PCDH15: variants seen among roughly 807,000 people sequenced by gnomAD.
PCDH15 encodes the protein protocadherin-15.
Under a neutral mutation model 178.5 loss-of-function variants are expected in PCDH15, and 129 were observed. That is an observed-to-expected ratio of 0.72 (90% CI 0.63 to 0.84). The LOEUF is 0.84. PCDH15 is among the 40% of genes least tolerant of loss of function. PCDH15 has a pLI of 0.00. For synonymous variants in PCDH15, 800 were observed against 732.0 expected, an observed-to-expected ratio of 1.09 and a Z score of -1.50; for missense variants, 2,230 against 2,099.9, an observed-to-expected ratio of 1.06 and a Z score of -1.21.
At chr10:55,047,512 A>G (rs1056798082) in intron 2 of PCDH15, among the ~76,000 whole-genome samples, 1 of 151,856 alleles carries the variant, frequency 6.6e-6, no homozygotes, top group Admixed American at 6.6e-5. Context: ...CTTTTGAAGA[A>G]CTCATAGCTA....
At chr10:54,377,871 A>G (rs1948674608) in intron 4 of PCDH15, among the ~76,000 whole-genome samples, 1 of 152,010 alleles carries the variant, frequency 6.6e-6, no homozygotes, top group Admixed American at 6.6e-5. Flanking sequence ...TATACCTATT[A>G]ATTTTTTTTT....
At chr10:54,550,665 C>T (rs1187372599) in intron 2 of PCDH15, among the ~76,000 whole-genome samples, 6 of 152,136 alleles carry the variant, frequency 3.9e-5, no homozygotes, top group African/African-American at 1.4e-4. Context: ...ATGCAAGTAC[C>T]TATAAATGTT....
At chr10:55,382,247 C>G (rs558399436) in intron 2 of PCDH15, among the ~76,000 whole-genome samples, 30 of 152,088 alleles carry the variant, frequency 2.0e-4, no homozygotes, top group African/African-American at 5.8e-4. Flanking sequence ...TAATGGTCCC[C>G]TAAAGAGGCT....
chr10:54,258,449 A>C (rs2057077548), intron 8 of PCDH15, among the ~76,000 whole-genome samples: 1 of 152,178 alleles, frequency 6.6e-6, no homozygotes. Context: ...AAATGGATCA[A>C]GTGATTGCTT....
At chr10:55,205,880 G>A (rs1186755446) in intron 1 of PCDH15, among the ~76,000 whole-genome samples, 2 of 152,062 alleles carry the variant, frequency 1.3e-5, no homozygotes, top group East Asian at 3.9e-4. Context: ...CATCGCAGAA[G>A]GCAAGGAGGA....
At chr10:53,937,420 A>G (rs2134039149) in intron 25 of PCDH15, among the ~76,000 whole-genome samples, 1 of 152,320 alleles carries the variant, frequency 6.6e-6, no homozygotes. Context: ...TCCACTCCTC[A>G]TTTATCCAAT....
At chr10:55,487,616 G>A (rs996249507) in intron 2 of PCDH15, among the ~76,000 whole-genome samples, 1 of 151,518 alleles carries the variant, frequency 6.6e-6, no homozygotes, top group Admixed American at 6.6e-5. Flanking sequence ...CTTAAATCCA[G>A]CTGTCATTCC....
At chr10:54,567,694 A>G (rs2133491763) in intron 2 of PCDH15, among the ~76,000 whole-genome samples, 1 of 152,304 alleles carries the variant, frequency 6.6e-6, no homozygotes, top group East Asian at 1.9e-4. Context: ...CTATCTACAG[A>G]ATTTTCTAAT....
chr10:55,029,468 T>C (rs1243860698), intron 2 of PCDH15, among the ~76,000 whole-genome samples: 1 of 152,048 alleles, frequency 6.6e-6, no homozygotes, highest in African/African-American at 2.4e-5. Flanking sequence ...CTCTTCTATA[T>C]GTACACTAGA....
At chr10:55,363,990 TATGTCAACGGAGAGATCAGG>T (rs1366168596) in intron 2 of PCDH15, among the ~76,000 whole-genome samples, 1 of 152,030 alleles carries the variant, frequency 6.6e-6, no homozygotes, top group African/African-American at 2.4e-5. Context: ...ATAATCCCCA[TATGTCAACGGAGAGATCAGG>T]TGGAGGTAAT....
Position 54,171,663 on chromosome 10 carries a change from T to A in PCDH15, c.1590+11781A>T, listed in dbSNP as rs550739873. 2.9e-4 allele frequency among the ~76,000 whole-genome samples: 44 copies of A among 152,082 alleles called. 3 individuals are homozygous for A. In the South Asian group the frequency reaches 8.9e-3, roughly 31 times the overall value. ...CTTAACTCTTGAAGTAAATAAATAA[T>A]CTTTGCTGGCAGGACTATGCTGAAT... is the stretch of plus-strand genomic sequence containing the variant. On this transcript the variant is annotated intron_variant, in intron 13 of 37. Transcript: ENST00000644397.
intron 14 of PCDH15, among the ~76,000 whole-genome samples, chr10:54,146,293 A>G (rs2043895582): frequency 6.6e-6 from 1 of 152,026 alleles, no homozygotes; most frequent in Admixed American, 6.6e-5. Flanking sequence ...TTAATTAAAC[A>G]TAGCCTTGCA....
chr10:55,244,611 C>A (rs999684384), intron 1 of PCDH15, among the ~76,000 whole-genome samples: 1 of 151,746 alleles, frequency 6.6e-6, no homozygotes, highest in Non-Finnish European at 1.5e-5. Flanking sequence ...TGAATTTCAC[C>A]ATCCTCCACC....
upstream of PCDH15, among the ~76,000 whole-genome samples, chr10:54,805,340 A>T (rs1296679680): frequency 6.6e-6 from 1 of 152,112 alleles, no homozygotes; most frequent in Non-Finnish European, 1.5e-5. Context: ...CATTACAAGC[A>T]GTGTCTCACC....
At chr10:55,066,213 C>A (rs867831719) in intron 2 of PCDH15, among the ~76,000 whole-genome samples, 1 of 150,956 alleles carries the variant, frequency 6.6e-6, no homozygotes, top group East Asian at 1.9e-4. Flanking sequence ...ATATCTGTTT[C>A]TTTCACCAGG....
chr10:54,443,593 A>C (rs1237340776), intron 3 of PCDH15, among the ~76,000 whole-genome samples: 1 of 151,718 alleles, frequency 6.6e-6, no homozygotes, highest in African/African-American at 2.4e-5. Flanking sequence ...AGGATCCAAG[A>C]ATTAAACATC....
At chr10:54,138,416 G>A (rs574280009) in intron 14 of PCDH15, among the ~76,000 whole-genome samples, 4 of 152,246 alleles carry the variant, frequency 2.6e-5, no homozygotes, top group East Asian at 1.9e-4. Flanking sequence ...CTTAGGGCTC[G>A]TTTATTGTTT....
At chr10:54,434,274 A>G (rs1047504959) in intron 3 of PCDH15, among the ~76,000 whole-genome samples, 1 of 152,174 alleles carries the variant, frequency 6.6e-6, no homozygotes, top group African/African-American at 2.4e-5. Flanking sequence ...ATTGTGATGA[A>G]GTGTACAGTG....
intron 1 of PCDH15, among the ~76,000 whole-genome samples, chr10:54,797,507 AACACACACACACACACACACACAC>A (rs71014418): frequency 6.2e-5 from 9 of 145,284 alleles, no homozygotes; most frequent in African/African-American, 2.0e-4. Flanking sequence ...TTATTGTTGA[AACACACACACACACACACACACAC>A]ACACACACAC....
Sources: gnomAD v4.1 joint callset for allele counts (sites outside exome capture counted in the v4.1 genomes callset) on GRCh38, gnomAD v4.1.1 for gene constraint, MANE v1.5 for transcripts, NCBI Gene and HGNC (gene_info 2026-07-23, HGNC 2026-07-21) for gene names.